Variants in RETREG3 observed in about 807,000 individuals in gnomAD.
RETREG3 encodes the protein reticulophagy regulator family member 3, also known as reticulophagy regulator 3.
RETREG3 carries 23 observed loss-of-function variants against 50.2 expected under a neutral mutation model. The ratio of observed to expected loss-of-function variants is 0.46; its 90% confidence interval spans 0.33 to 0.65. The LOEUF (loss-of-function observed/expected upper bound fraction) is 0.65. RETREG3 is among the 30% of genes least tolerant of loss of function. RETREG3 has a pLI of 0.02. For synonymous variants in RETREG3, 240 were observed against 234.4 expected, an observed-to-expected ratio of 1.02 and a Z score of -0.22; for missense variants, 546 against 598.0, an observed-to-expected ratio of 0.91 and a Z score of 0.91.
At chr17:42,591,404 G>C (rs1190663642) in intron 2 of RETREG3, among the ~76,000 whole-genome samples, 2 of 150,738 alleles carry the variant, frequency 1.3e-5, no homozygotes, top group African/African-American at 4.9e-5. Flanking sequence ...GCAGTGGCAC[G>C]ATCTCGGCTC....
At chr17:42,603,321 T>C (rs770735603) in intron 1 of RETREG3, among the ~76,000 whole-genome samples, 2 of 152,310 alleles carry the variant, frequency 1.3e-5, no homozygotes, top group African/African-American at 2.4e-5. Flanking sequence ...CAGATTAAGA[T>C]TGTCTCAAGG....
At position 42,587,801 on chromosome 17, in the gene RETREG3, G is replaced by A. The variant is rs768592414; in HGVS notation, c.377+33C>T. Reference sequence around the variant, plus strand: ...GAATATTACAAGAGAATGAATCAGAGCAACAAAAAGGGATTTAATTAGTGT... The same window carrying A: ...GAATATTACAAGAGAATGAATCAGAACAACAAAAAGGGATTTAATTAGTGT... On this transcript the variant is annotated intron_variant, in intron 3 of 8. Coordinates refer to ENST00000309428, the MANE Select transcript of RETREG3 (RefSeq NM_178126.4). 7.4e-6 allele frequency: 12 copies of A among 1,613,166 alleles called. No homozygotes were observed. In the Admixed American group the frequency reaches 1.3e-4, roughly 18 times the overall value.
intron 8 of RETREG3, 129 bp downstream of exon 8, chr17:42,582,545 G>A: frequency 7.1e-7 from 1 of 1,414,074 alleles, no homozygotes; most frequent in African/African-American, 1.4e-5. Flanking sequence ...ACAGCACTCA[G>A]GCTGCTCTGC....
chr17:42,608,420 T>A (rs1224565003), intron 1 of RETREG3, among the ~76,000 whole-genome samples: 2 of 152,232 alleles, frequency 1.3e-5, no homozygotes, highest in Non-Finnish European at 2.9e-5. Context: ...AAACCATGGC[T>A]AAGGATGCCT....
rs532037240 is a variant in RETREG3 at position 42,592,223 on chromosome 17, G to A, written c.240-61C>T. ...CCTAGTTATCCTAATTTCAGAAAAG[G>A]CCACGTGTGTACGATGGGCTCTGTG... On this transcript the variant is annotated intron_variant, in intron 1 of 8. Transcript: ENST00000309428. 49 of 1,418,196 alleles carry A rather than the reference G, an allele frequency of 3.5e-5. No individual in the cohort carries two copies. The South Asian group carries it at 4.8e-4, about 14-fold the overall frequency. The allele number at this position is 1,418,196 out of a possible 1,614,324, so 87.9% of individuals were successfully genotyped here.
intron 6 of RETREG3, among the ~76,000 whole-genome samples, chr17:42,583,792 T>A (rs1285908325): frequency 6.6e-6 from 1 of 152,150 alleles, no homozygotes; most frequent in Non-Finnish European, 1.5e-5. Context: ...CAACATCCTC[T>A]CCACCAGACC....
chr17:42,585,271 A>C lies in RETREG3; in HGVS notation c.590-9T>G. On this transcript the variant is annotated splice_polypyrimidine_tract_variant and intron_variant, in intron 5 of 8. Transcript: ENST00000309428. ...CATCATGACAGTGACAACTGTGAGG[A>C]GGCATGGGAAACAGTGACAAAATGG... The C allele has an allele frequency of 6.2e-7, 1 of 1,611,614 alleles. No homozygotes were observed. Among genetic ancestry groups the C allele is most frequent in the Non-Finnish European group, 8.5e-7 (1 of 1,178,232 alleles).
At chr17:42,608,117 A>C (rs2093171749) in intron 1 of RETREG3, among the ~76,000 whole-genome samples, 1 of 152,254 alleles carries the variant, frequency 6.6e-6, no homozygotes, top group African/African-American at 2.4e-5. Context: ...CACAATTAAA[A>C]AACACACATA....
chr17:42,593,647 C>CAAAAAAA (rs10537185), intron 1 of RETREG3, among the ~76,000 whole-genome samples: 1 of 86,290 alleles, frequency 1.2e-5, no homozygotes, highest in Non-Finnish European at 2.3e-5. Flanking sequence ...GACTCCGTCT[C>CAAAAAAA]AAAAAAAAAA....
intron 1 of RETREG3, among the ~76,000 whole-genome samples, chr17:42,597,598 TATATATATATATATATATATA>T (rs1167058464): frequency 2.3e-3 from 4 of 1,770 alleles, no homozygotes; most frequent in East Asian, 0.17. Flanking sequence ...TATATATATA[TATATATATATATATATATATA>T]TTTTTTTTTT....
intron 2 of RETREG3, among the ~76,000 whole-genome samples, chr17:42,590,293 C>G (rs2093129954): frequency 6.6e-6 from 1 of 152,106 alleles, no homozygotes; most frequent in African/African-American, 2.4e-5. Context: ...ATCACTTAAG[C>G]CCAGGGATTT....
rs1398986269 is a variant in RETREG3 at position 42,609,110 on chromosome 17, C to A, written c.215G>T (p.Cys72Phe). 2.5e-6 allele frequency: 4 copies of A among 1,607,914 alleles called. No individual in the cohort carries two copies. The highest frequency in any genetic ancestry group is 1.1e-5 in the South Asian group (1 of 91,018). Reference sequence around the variant, plus strand: ...CCAGAAAGCCGCGTTCAGCCCCAGGCACCACAGAGCGCTCCTAGCTGGCCG... The same window carrying A: ...CCAGAAAGCCGCGTTCAGCCCCAGGAACCACAGAGCGCTCCTAGCTGGCCG... ...WERPARSALWCLGLNAAFWFF... is the reference protein window; with the variant it reads ...WERPARSALWFLGLNAAFWFF... The change falls in exon 1 of 9, where the codon TGC becomes TTC. Residue 72 changes from cysteine (C) to phenylalanine (F), a missense_variant. By Grantham distance (205) the Cys-to-Phe change is radical. Coordinates refer to ENST00000309428, the MANE Select transcript of RETREG3 (RefSeq NM_178126.4).
At chr17:42,605,990 C>CA (rs764477176) in intron 1 of RETREG3, among the ~76,000 whole-genome samples, 1,242 of 64,512 alleles carry the variant, frequency 0.019, 34 homozygotes, top group African/African-American at 0.057. Flanking sequence ...GACTCCATCT[C>CA]AAAAAAAAAA....
At chr17:42,604,710 A>C (rs985656777) in intron 1 of RETREG3, among the ~76,000 whole-genome samples, 4 of 151,788 alleles carry the variant, frequency 2.6e-5, no homozygotes, top group South Asian at 4.2e-4. Flanking sequence ...AAAAAAAAAA[A>C]AAAAAAAACT....
chr17:42,605,180 G>A (rs2093165621), intron 1 of RETREG3: 1 of 149,344 alleles, frequency 6.7e-6, no homozygotes, highest in Non-Finnish European at 1.5e-5. Flanking sequence ...AGATGTAAGA[G>A]GGCATATTCA....
rs187702721 is a variant in RETREG3 at position 42,609,021 on chromosome 17, G to A, written c.239+65C>T. Reference sequence around the variant, plus strand: ...GCGAAGAAAACAGGGCAGGCGAGAAGTAGAGCCCTAGAGGAACCAACGAAT... The same window carrying A: ...GCGAAGAAAACAGGGCAGGCGAGAAATAGAGCCCTAGAGGAACCAACGAAT... On this transcript the variant is annotated intron_variant, in intron 1 of 8. Transcript: ENST00000309428. 426 of 1,495,614 alleles carry A rather than the reference G, an allele frequency of 2.8e-4. 1 individual carries two copies. The African/African-American group carries it at 5.3e-3, about 19-fold the overall frequency. The allele number at this position is 1,495,614 out of a possible 1,614,324, so 92.6% of individuals were successfully genotyped here.
At chr17:42,607,020 TA>T (rs1001240843) in intron 1 of RETREG3, among the ~76,000 whole-genome samples, 4 of 152,000 alleles carry the variant, frequency 2.6e-5, no homozygotes, top group South Asian at 4.2e-4. Flanking sequence ...TAAACCCTGA[TA>T]AAGTGTTTTT....
chr17:42,609,367 G>T lies in RETREG3; in HGVS notation c.-43C>A. 1 of 1,567,326 alleles carries T rather than the reference G, an allele frequency of 6.4e-7. No individual in the cohort carries two copies. The highest frequency in any genetic ancestry group is 1.4e-5 in the African/African-American group (1 of 74,018). ...AACATCCGGGGCCGTGGCCCGACAA[G>T]TCACAATAACAGCAACTGCGCAGAT... is the stretch of plus-strand genomic sequence containing the variant. On this transcript the variant is annotated 5_prime_UTR_variant, in exon 1 of 9. Transcript: ENST00000309428.
At chr17:42,587,229 TA>T (rs1261508119) in intron 3 of RETREG3, among the ~76,000 whole-genome samples, 2 of 152,108 alleles carry the variant, frequency 1.3e-5, no homozygotes, top group Non-Finnish European at 2.9e-5. Flanking sequence ...AATCCAGGGA[TA>T]AAAGTGAGCA....
Sources: gnomAD v4.1 joint callset for allele counts (sites outside exome capture counted in the v4.1 genomes callset) on GRCh38, gnomAD v4.1.1 for gene constraint, MANE v1.5 for transcripts, NCBI Gene and HGNC (gene_info 2026-07-23, HGNC 2026-07-21) for gene names.